The following PC variants were observed in gnomAD, a reference collection of about 807,000 sequenced individuals.
PC encodes the protein pyruvate carboxylase.
Under a neutral mutation model 107.8 loss-of-function variants are expected in PC, and 46 were observed. That is an observed-to-expected ratio of 0.43 (90% CI 0.34 to 0.55). The LOEUF (loss-of-function observed/expected upper bound fraction) is 0.55. Among genes scored for constraint, PC ranks in the 20% least tolerant of loss-of-function variants. The pLI is 0.04. For synonymous variants in PC, 662 were observed against 684.7 expected (o/e 0.97, Z 0.52); for missense variants, 1,241 against 1,643.1 (o/e 0.76, Z 4.23).
chr11:66,942,259 G>A (rs1033145711), intron 3 of PC, among the ~76,000 whole-genome samples: 1 of 151,500 alleles, frequency 6.6e-6, no homozygotes, highest in Non-Finnish European at 1.5e-5. Flanking sequence ...AATTAGCTGG[G>A]CATGGTGGCA....
chr11:66,886,520 C>T (rs1565262092), intron 3 of PC, among the ~76,000 whole-genome samples: 1 of 152,066 alleles, frequency 6.6e-6, no homozygotes, highest in Non-Finnish European at 1.5e-5. Flanking sequence ...AGTAGAAGGT[C>T]AGCTAGGAAG....
intron 12 of PC, among the ~76,000 whole-genome samples, chr11:66,854,715 A>G (rs1222406220): frequency 6.6e-6 from 1 of 152,096 alleles, no homozygotes; most frequent in Admixed American, 6.6e-5. Flanking sequence ...AAGGCCACCC[A>G]GACTCCTCTG....
chr11:66,894,721 G>GC (rs1947691225), intron 3 of PC, among the ~76,000 whole-genome samples: 2 of 152,178 alleles, frequency 1.3e-5, no homozygotes, highest in South Asian at 4.1e-4. Context: ...CAGGCTGAAA[G>GC]CTTTCAAAAA....
At position 66,870,877 on chromosome 11, in the gene PC, A is replaced by G. The variant is rs764799961; in HGVS notation, c.649T>C (p.Tyr217His). The G allele has an allele frequency of 3.7e-6, 6 of 1,613,152 alleles. 1 individual carries two copies. The South Asian group carries it at 6.6e-5, about 18-fold the overall frequency. ...VHSYEELEEN[Y>H]TRAYSEALAA... The stretch of plus-strand genomic sequence containing the variant: ...AGAGCCTCTGAGTAGGCCCGGGTGT[A>G]ATTCTCCTCCAGCTCCTGCGAGGGC... Residue 217 changes from tyrosine to histidine, a missense_variant, in exon 8 of 23, where the codon TAC becomes CAC. Physicochemically the swap from Tyr to His is moderately conservative, Grantham distance 83. Coordinates refer to ENST00000393960, the MANE Select transcript of PC (RefSeq NM_001040716.2). The surrounding 1 kb of genome is among the most constrained non-coding windows in gnomAD (Gnocchi z 6.1).
Position 66,930,741 on chromosome 11 carries a change from TAAAAAAAAAAAA to T in PC, c.-1+21677_-1+21688del, listed in dbSNP as rs34424812. On this transcript the variant is annotated intron_variant, in intron 3 of 22. Coordinates refer to ENST00000393960, the MANE Select transcript of PC (RefSeq NM_001040716.2). Reference sequence around the variant, plus strand: ...TGGGCGACAGAGCAAGACTCTGTCTTAAAAAAAAAAAAAAAAAAAAAAAAGTTCCCAGCAGGG... The same window carrying T: ...TGGGCGACAGAGCAAGACTCTGTCTTAAAAAAAAAAAAGTTCCCAGCAGGG... 7.1e-5 allele frequency among the ~76,000 whole-genome samples: 7 copies of T among 99,270 alleles called. 1 individual carries two copies. The South Asian group carries it at 2.1e-3, about 30-fold the overall frequency. The allele number at this position is 99,270 out of a possible 152,430, so 65.1% of individuals were successfully genotyped here.
chr11:66,851,850 A>C lies in PC; in HGVS notation c.1922T>G (p.Met641Arg). 1 of 1,614,114 alleles carries C rather than the reference A, an allele frequency of 6.2e-7. No individual in the cohort carries two copies. Among genetic ancestry groups the C allele is most frequent in the Non-Finnish European group, 8.5e-7 (1 of 1,180,018 alleles). ...CACAGCATTGGCCCCCCGCAGCAGCATCTGGAAAGGGATGTTGGGGATGAG... is the reference window on the plus strand; with the variant it reads ...CACAGCATTGGCCCCCCGCAGCAGCCTCTGGAAAGGGATGTTGGGGATGAG... The part of the protein sequence containing the change: ...RELIPNIPFQ[M>R]LLRGANAVGY... The change falls in exon 16 of 23, where the codon ATG (methionine) becomes AGG (arginine). Residue 641 changes from methionine to arginine, a missense_variant. Transcript: ENST00000393960.
intron 3 of PC, among the ~76,000 whole-genome samples, chr11:66,875,843 C>A (rs961816608): frequency 6.6e-6 from 1 of 152,206 alleles, no homozygotes; most frequent in Non-Finnish European, 1.5e-5. Context: ...AGAAACCTGG[C>A]GGACACCACG....
At chr11:66,897,822 G>A (rs1461038856) in intron 3 of PC, among the ~76,000 whole-genome samples, 1 of 152,176 alleles carries the variant, frequency 6.6e-6, no homozygotes, top group African/African-American at 2.4e-5. Flanking sequence ...CCACTTGGTA[G>A]AGATAACTTG....
intron 1 of PC, chr11:66,957,691 T>C (rs547709870): frequency 2.0e-5 from 3 of 152,380 alleles, no homozygotes; most frequent in East Asian, 1.9e-4. Context: ...CTGATGCGCT[T>C]TGTAAACTAC....
intron 3 of PC, among the ~76,000 whole-genome samples, chr11:66,898,374 G>A (rs557038959): frequency 3.3e-5 from 5 of 152,242 alleles, no homozygotes; most frequent in South Asian, 2.1e-4. Context: ...CCATATAGAT[G>A]AGACACATAA....
intron 3 of PC, among the ~76,000 whole-genome samples, chr11:66,884,267 CTGGGCATGGTGG>C (rs1282010383): frequency 2.7e-5 from 4 of 148,978 alleles, no homozygotes; most frequent in African/African-American, 7.5e-5. Flanking sequence ...AAAAAATTAG[CTGGGCATGGTGG>C]TGCCCATAGA....
intron 3 of PC, among the ~76,000 whole-genome samples, chr11:66,932,139 A>G (rs1445068232): frequency 1.3e-5 from 2 of 152,064 alleles, no homozygotes; most frequent in Non-Finnish European, 2.9e-5. Context: ...CTGGGAGGGG[A>G]CTGGGTTACT....
chr11:66,920,827 C>G (rs1591284166), intron 3 of PC, among the ~76,000 whole-genome samples: 1 of 151,970 alleles, frequency 6.6e-6, no homozygotes, highest in African/African-American at 2.4e-5. Flanking sequence ...GGTGGATCAC[C>G]TGAGGTTTGA....
intron 3 of PC, among the ~76,000 whole-genome samples, chr11:66,920,434 C>T (rs1031022571): frequency 1.3e-5 from 2 of 152,070 alleles, no homozygotes; most frequent in African/African-American, 4.8e-5. Flanking sequence ...CCCCATATCT[C>T]GGATGATAAA....
rs536110586 is a variant in PC, at chr11:66,881,647, A to G, written c.1-9488T>C. On this transcript the variant is annotated intron_variant, in intron 3 of 22. Coordinates refer to ENST00000393960, the MANE Select transcript of PC (RefSeq NM_001040716.2). ...GCCAGTGCCAGTGGAGGAGGGCACA[A>G]TGGTGGGCAGTGACCCCAGCAGAGC... 1.4e-4 allele frequency among the ~76,000 whole-genome samples: 22 copies of G among 152,372 alleles called. No individual in the cohort carries two copies. The South Asian group carries it at 4.3e-3, about 30-fold the overall frequency.
At chr11:66,908,233 T>C (rs1279823452) in intron 3 of PC, among the ~76,000 whole-genome samples, 2 of 152,022 alleles carry the variant, frequency 1.3e-5, no homozygotes, top group African/African-American at 2.4e-5. Context: ...GAGCAGAAGA[T>C]TCAATGGGGA....
chr11:66,851,705 C>T (rs1178169749), intron 16 of PC, 85 bp downstream of exon 16: 38 of 1,388,108 alleles, frequency 2.7e-5, no homozygotes, highest in Admixed American at 8.5e-5. Flanking sequence ...TCAGGCTGAC[C>T]GTGGAGAACA....
chr11:66,865,208 C>G (rs1170958280), intron 11 of PC, among the ~76,000 whole-genome samples: 1 of 152,168 alleles, frequency 6.6e-6, no homozygotes, highest in African/African-American at 2.4e-5. Context: ...ATCCAGAGAG[C>G]TCTGGTCCCT....
chr11:66,870,216 C>T lies in PC; in HGVS notation c.903+86G>A. 1.3e-6 allele frequency: 2 copies of T among 1,533,138 alleles called. No individual in the cohort carries two copies. The highest frequency in any genetic ancestry group is 2.2e-5 in the South Asian group (2 of 89,006). 95.0% of individuals were successfully genotyped at this position (1,533,138 alleles called of 1,614,324 possible). On this transcript the variant is annotated intron_variant, in intron 9 of 22. Transcript: ENST00000393960. This position sits in a 1 kb window ranked among gnomAD's most constrained non-coding sequence, Gnocchi z 6.1. ...CAGTCCCCAGAAGGGGACTCAGGGT[C>T]CCCTTCCCCAACCAGCGCCCCACTG...
Sources: allele counts gnomAD v4.1 joint callset (sites outside exome capture counted in the v4.1 genomes callset), GRCh38; gene constraint gnomAD v4.1.1; non-coding constraint Gnocchi (gnomAD v3.1); transcripts MANE v1.5; gene names NCBI Gene and HGNC (gene_info 2026-07-23, HGNC 2026-07-21).